The following ANK2 variants were observed in gnomAD, a reference collection of about 807,000 sequenced individuals.
ANK2 encodes the protein ankyrin 2.
Under a neutral mutation model 360.5 loss-of-function variants are expected in ANK2, and 83 were observed. That is an observed-to-expected ratio of 0.23 (90% CI 0.19 to 0.28). ANK2 has a LOEUF of 0.28. Among genes scored for constraint, ANK2 ranks in the 10% least tolerant of loss-of-function variants. ANK2 has a pLI of 1.00. For missense variants in ANK2, 4,201 were observed against 4,795.7 expected, an observed-to-expected ratio of 0.88 and a Z score of 3.66; for synonymous variants, 1,740 against 1,759.5, an observed-to-expected ratio of 0.99 and a Z score of 0.28.
At chr4:112,747,357 T>A in the ANK2 span, among the ~76,000 whole-genome samples, 6 of 152,244 alleles carry the variant, frequency 3.9e-5, no homozygotes, top group African/African-American at 1.4e-4. Context: ...GCCCACAGGC[T>A]GAGATCTCCA....
At chr4:112,961,451 A>T (rs2034784721) in intron 2 of ANK2, among the ~76,000 whole-genome samples, 1 of 152,164 alleles carries the variant, frequency 6.6e-6, no homozygotes, top group Non-Finnish European at 1.5e-5. Context: ...AAGATTCTGA[A>T]TATAGGACAG....
At chr4:113,028,548 GAC>G (rs1387807980) in intron 2 of ANK2, among the ~76,000 whole-genome samples, 1 of 152,116 alleles carries the variant, frequency 6.6e-6, no homozygotes, top group African/African-American at 2.4e-5. Flanking sequence ...CTACAATAGA[GAC>G]ATGTTCTAAG....
At chr4:113,150,892 G>T (rs112669229) in intron 1 of ANK2, among the ~76,000 whole-genome samples, 1 of 152,188 alleles carries the variant, frequency 6.6e-6, no homozygotes, top group Non-Finnish European at 1.5e-5. Flanking sequence ...CTAGTGAAAG[G>T]CCATTGACCA....
At chr4:112,849,735 G>T (rs2064189591) in intron 1 of ANK2, among the ~76,000 whole-genome samples, 1 of 152,204 alleles carries the variant, frequency 6.6e-6, no homozygotes, top group South Asian at 2.1e-4. Flanking sequence ...TCCTTATACA[G>T]ATTTGATGGT....
chr4:113,122,874 C>T (rs1435367632), intron 1 of ANK2, among the ~76,000 whole-genome samples: 2 of 151,600 alleles, frequency 1.3e-5, no homozygotes, highest in Non-Finnish European at 2.9e-5. Context: ...TTATTAATGA[C>T]ACTCTTCACC....
At chr4:112,709,056 C>A in the ANK2 span, among the ~76,000 whole-genome samples, 2 of 152,104 alleles carry the variant, frequency 1.3e-5, no homozygotes, top group Non-Finnish European at 2.9e-5. Context: ...GGAAAAATGA[C>A]CTTTAAGTTC....
chr4:112,821,263 G>A (rs1412352712), intron 1 of ANK2, among the ~76,000 whole-genome samples: 1 of 151,734 alleles, frequency 6.6e-6, no homozygotes, highest in African/African-American at 2.4e-5. Context: ...TGTCAGGGCT[G>A]GTCTGGAACT....
intron 1 of ANK2, among the ~76,000 whole-genome samples, chr4:113,085,617 T>C (rs1037213803): frequency 1.1e-4 from 16 of 152,132 alleles, no homozygotes; most frequent in African/African-American, 3.9e-4. Flanking sequence ...TTGGAATTTG[T>C]ATTTTAAAAT....
chr4:113,324,297 A>T (rs902681015), intron 26 of ANK2, among the ~76,000 whole-genome samples: 1 of 152,186 alleles, frequency 6.6e-6, no homozygotes, highest in African/African-American at 2.4e-5. Flanking sequence ...TACTGCTATA[A>T]ATGCAACCTT....
chr4:113,157,609 C>T (rs1362613442), intron 1 of ANK2, among the ~76,000 whole-genome samples: 4 of 152,160 alleles, frequency 2.6e-5, no homozygotes, highest in Admixed American at 6.5e-5. Context: ...GGGCCCTGCC[C>T]CTAACCAAAA....
chr4:112,719,692 A>G, the ANK2 span, among the ~76,000 whole-genome samples: 2 of 147,224 alleles, frequency 1.4e-5, no homozygotes, highest in South Asian at 2.1e-4. Flanking sequence ...CGCCGATTAC[A>G]CTCCAGCCTG....
At position 113,210,828 on chromosome 4, in the gene ANK2, G is replaced by T. The variant is rs571443331; in HGVS notation, c.384+11719G>T. 6.6e-5 allele frequency among the ~76,000 whole-genome samples: 10 copies of T among 152,202 alleles called. No individual in the cohort carries two copies. The South Asian group carries it at 1.9e-3, about 28-fold the overall frequency. Reference sequence around the variant, plus strand: ...GGGAAGGCTATTATACTACCTTTGTGGGAAGCACGAGATCAGTTTTTGTTG... The same window carrying T: ...GGGAAGGCTATTATACTACCTTTGTTGGAAGCACGAGATCAGTTTTTGTTG... On this transcript the variant is annotated intron_variant, in intron 4 of 45. Coordinates refer to ENST00000357077, the MANE Select transcript of ANK2 (RefSeq NM_001148.6).
At chr4:113,286,761 A>G (rs150057849) in intron 18 of ANK2, among the ~76,000 whole-genome samples, 13 of 152,296 alleles carry the variant, frequency 8.5e-5, no homozygotes, top group South Asian at 2.1e-4. Context: ...GTATAAATAT[A>G]CTGTAGGCTA....
intron 1 of ANK2, among the ~76,000 whole-genome samples, chr4:113,134,281 CTTTTTTTTT>C (rs5861124): frequency 1.2e-3 from 106 of 86,098 alleles, no homozygotes; most frequent in East Asian, 4.7e-3. Context: ...TGAAAGTTGT[CTTTTTTTTT>C]TTTTTTTTTT....
intron 4 of ANK2, among the ~76,000 whole-genome samples, chr4:113,225,955 T>A (rs2099215073): frequency 6.6e-6 from 1 of 152,168 alleles, no homozygotes; most frequent in Non-Finnish European, 1.5e-5. Context: ...AAGAAAAGCA[T>A]TATAGCTGTT....
chr4:112,977,570 A>T (rs947457135), intron 2 of ANK2, among the ~76,000 whole-genome samples: 8 of 147,790 alleles, frequency 5.4e-5, no homozygotes, highest in Non-Finnish European at 1.2e-4. Context: ...TTTTTATTTT[A>T]TTTTTTTTTT....
At chr4:112,970,056 T>G (rs1251213033) in intron 2 of ANK2, among the ~76,000 whole-genome samples, 1 of 152,066 alleles carries the variant, frequency 6.6e-6, no homozygotes, top group African/African-American at 2.4e-5. Context: ...CTATCTCGGC[T>G]CACTGCAACC....
chr4:112,825,364 A>G (rs912758500), intron 1 of ANK2, among the ~76,000 whole-genome samples: 3 of 152,206 alleles, frequency 2.0e-5, no homozygotes, highest in African/African-American at 7.2e-5. Context: ...AAAAGAAAGA[A>G]AAAGACTATC....
At chr4:113,219,101 C>T (rs362482) in intron 4 of ANK2, among the ~76,000 whole-genome samples, 4,250 of 152,092 alleles carry the variant, frequency 0.028, 99 homozygotes, top group East Asian at 0.068. Flanking sequence ...TATTAAATTG[C>T]TCAATATACC....
Sources: allele counts gnomAD v4.1 joint callset (sites outside exome capture counted in the v4.1 genomes callset), GRCh38; gene constraint gnomAD v4.1.1; transcripts MANE v1.5; gene names NCBI Gene and HGNC (gene_info 2026-07-23, HGNC 2026-07-21).